The following F10 variants were observed in gnomAD, a reference collection of about 807,000 sequenced individuals.
F10 encodes the protein coagulation factor X, also known as Stuart-Prower factor.
In F10, 29 loss-of-function variants were observed where a neutral mutation model predicts 37.1. The observed-to-expected ratio is 0.78, with a 90% confidence interval of 0.58 to 1.07. F10 has a LOEUF of 1.07. Ranked by LOEUF, F10 falls within the 50% of genes least tolerant of loss-of-function variation. The probability of loss-of-function intolerance (pLI) is 0.00; values close to 1 mark genes in which losing one functional copy is unlikely to be tolerated. For synonymous variants in F10, 262 were observed against 268.6 expected, an observed-to-expected ratio of 0.98 and a Z score of 0.24; for missense variants, 539 against 667.9, an observed-to-expected ratio of 0.81 and a Z score of 2.13.
In F10 at chr13:113,141,053, A is replaced by G; in HGVS notation, c.502+3A>G. On this transcript the variant is annotated splice_donor_region_variant and intron_variant, in intron 5 of 7. Coordinates refer to ENST00000375559, the MANE Select transcript of F10 (RefSeq NM_000504.4). The surrounding 1 kb of genome is among the most constrained non-coding windows in gnomAD (Gnocchi z 5.4). The stretch of plus-strand genomic sequence containing the variant: ...CGGCAAGGCCTGCATTCCCACAGGT[A>G]GGAGGCACGTTGGGCCACAGCCACC... The G allele has an allele frequency of 6.2e-7, 1 of 1,613,392 alleles. No homozygotes were observed. Among genetic ancestry groups the G allele is most frequent in the Non-Finnish European group, 8.5e-7 (1 of 1,179,948 alleles).
At chr13:113,138,762 T>C (rs1476573604) in intron 3 of F10, among the ~76,000 whole-genome samples, 1 of 152,204 alleles carries the variant, frequency 6.6e-6, no homozygotes, top group Non-Finnish European at 1.5e-5. Context: ...TAAAAGTGTA[T>C]TCGGTAAAAG....
chr13:113,146,473 C>T lies in F10; in HGVS notation c.748-906C>T, dbSNP rs1053902383. On this transcript the variant is annotated intron_variant, in intron 6 of 7. Coordinates refer to ENST00000375559, the MANE Select transcript of F10 (RefSeq NM_000504.4). The surrounding 1 kb of genome is among the most constrained non-coding windows in gnomAD (Gnocchi z 4.5). Reference sequence around the variant, plus strand: ...GGAGGGCTCACTGGAGGGGCCCTCGCCCAGCCTGTTGAGGTTTGCGATTCT... The same window carrying T: ...GGAGGGCTCACTGGAGGGGCCCTCGTCCAGCCTGTTGAGGTTTGCGATTCT... Among the ~76,000 whole-genome samples, 2 of 152,166 alleles carry T rather than the reference C, an allele frequency of 1.3e-5. No homozygotes were observed. The highest frequency in any genetic ancestry group is 2.9e-5 in the Non-Finnish European group (2 of 68,026).
At chr13:113,124,118 G>A (rs962569049) in intron 1 of F10, among the ~76,000 whole-genome samples, 2 of 152,210 alleles carry the variant, frequency 1.3e-5, no homozygotes, top group Admixed American at 6.5e-5. Flanking sequence ...GAATGCTCTA[G>A]GATCCTGAGG....
chr13:113,134,276 A>G (rs1377510850), intron 2 of F10, among the ~76,000 whole-genome samples: 1 of 152,200 alleles, frequency 6.6e-6, no homozygotes, highest in Non-Finnish European at 1.5e-5. Context: ...TGTGAAGGGG[A>G]AAAAAGCTTG....
chr13:113,130,560 A>T (rs1238566842), intron 2 of F10: 1 of 152,322 alleles, frequency 6.6e-6, no homozygotes, highest in Admixed American at 6.5e-5. Flanking sequence ...GGCTGGTGCC[A>T]TCAGCCACAC....
In F10 at chr13:113,139,331, CCA is replaced by C; in HGVS notation, c.257-25_257-24del. The C allele has an allele frequency of 6.3e-7, 1 of 1,592,818 alleles. No homozygotes were observed. The highest frequency in any genetic ancestry group is 8.6e-7 in the Non-Finnish European group (1 of 1,160,980). ...TGATGCCGGAAACAGCTTGCAGACTCCAGTTTCGAAATCCTCTCTTTGCAGAT... is the reference window on the plus strand; with the variant it reads ...TGATGCCGGAAACAGCTTGCAGACTCGTTTCGAAATCCTCTCTTTGCAGAT... On this transcript the variant is annotated intron_variant, in intron 3 of 7. Coordinates refer to ENST00000375559, the MANE Select transcript of F10 (RefSeq NM_000504.4). The surrounding 1 kb of genome is among the most constrained non-coding windows in gnomAD (Gnocchi z 5.2).
In F10 at chr13:113,145,656, T is replaced by C. The variant is rs189546488; in HGVS notation, c.747+1561T>C. On this transcript the variant is annotated intron_variant, in intron 6 of 7. Coordinates refer to ENST00000375559, the MANE Select transcript of F10 (RefSeq NM_000504.4). ...AAAAAGAGGTTGAATGAACTCACAGTTCCACGTGGCTGGGGAGGCCTCACC... is the reference window on the plus strand; with the variant it reads ...AAAAAGAGGTTGAATGAACTCACAGCTCCACGTGGCTGGGGAGGCCTCACC... 2.9e-3 allele frequency among the ~76,000 whole-genome samples: 436 copies of C among 152,224 alleles called. 5 individuals are homozygous for C. Among genetic ancestry groups the C allele is most frequent in the African/African-American group, 9.9e-3 (412 of 41,522 alleles).
Position 113,138,479 on chromosome 13 carries a change from A to C in F10, c.254A>C (p.Lys85Thr), listed in dbSNP as rs202223449. Residue 85 changes from lysine (K) to threonine (T), a missense_variant and splice_region_variant, in exon 3 of 8, where the codon AAA becomes ACA. Lys to Thr is a moderately conservative substitution (Grantham distance 78). Coordinates refer to ENST00000375559, the MANE Select transcript of F10 (RefSeq NM_000504.4). The part of the protein sequence containing the change: ...DKTNEFWNKY[K>T]DGDQCETSPC... ...TAGAATGAATTCTGGAATAAATACAAAGGTCAGTATTTTTTCTGTTTTAAC... is the reference window on the plus strand; with the variant it reads ...TAGAATGAATTCTGGAATAAATACACAGGTCAGTATTTTTTCTGTTTTAAC... 1 of 1,397,528 alleles carries C rather than the reference A, an allele frequency of 7.2e-7. No individual in the cohort carries two copies. Among genetic ancestry groups the C allele is most frequent in the African/African-American group, 1.4e-5 (1 of 70,960 alleles). The allele number at this position is 1,397,528 out of a possible 1,614,324, so 86.6% of individuals were successfully genotyped here. A position where few individuals can be genotyped will look rare whatever the true frequency, so the allele number is the denominator to read the frequency against.
rs762686628 is a variant in F10 at position 113,149,259 on chromosome 13, C to T, written c.1209C>T (p.Phe403=). Reference sequence around the variant, plus strand: ...GCTTCATCATCACCCAGAACATGTTCTGTGCCGGCTACGACACCAAGCAGG... The same window carrying T: ...GCTTCATCATCACCCAGAACATGTTTTGTGCCGGCTACGACACCAAGCAGG... ...SSSFIITQNM[F]CAGYDTKQED... Residue 403 remains phenylalanine (F), a synonymous_variant, in exon 8 of 8, where the codon TTC becomes TTT. Coordinates refer to ENST00000375559, the MANE Select transcript of F10 (RefSeq NM_000504.4). The surrounding 1 kb of genome is among the most constrained non-coding windows in gnomAD (Gnocchi z 7.5). 4.3e-6 allele frequency: 7 copies of T among 1,613,234 alleles called. No individual in the cohort carries two copies. Among genetic ancestry groups the T allele is most frequent in the Middle Eastern group, 1.6e-4 (1 of 6,062 alleles).
Position 113,140,968 on chromosome 13 carries a change from C to T in F10, c.420C>T (p.Cys140=), listed in dbSNP as rs1355569917. 6.2e-7 allele frequency: 1 copy of T among 1,614,124 alleles called. No homozygotes were observed. Among genetic ancestry groups the T allele is most frequent in the Non-Finnish European group, 8.5e-7 (1 of 1,180,038 alleles). The part of the protein sequence containing the change: ...SLDNGDCDQF[C]HEEQNSVVCS... ...ACAACGGGGACTGTGACCAGTTCTG[C>T]CACGAGGAACAGAACTCTGTGGTGT... Residue 140 remains cysteine, a synonymous_variant, in exon 5 of 8, where the codon TGC becomes TGT. Transcript: ENST00000375559.
rs1422320109 is a variant in F10, at chr13:113,129,632, T to C, written c.231+20T>C. 4 of 1,613,696 alleles carry C rather than the reference T, an allele frequency of 2.5e-6. No individual in the cohort carries two copies. The highest frequency in any genetic ancestry group is 1.7e-6 in the Non-Finnish European group (2 of 1,179,958). On this transcript the variant is annotated intron_variant, in intron 2 of 7. Transcript: ENST00000375559. ...AAGACGGTAAGGGCTGGGGATAGCC[T>C]GGCTGTTGGTAAGGAGCTCAGGCCA...
chr13:113,141,576 T>C lies in F10; in HGVS notation c.502+526T>C, dbSNP rs184729625. Among the ~76,000 whole-genome samples, 1 of 152,250 alleles carries C rather than the reference T, an allele frequency of 6.6e-6. No homozygotes were observed. Among genetic ancestry groups the C allele is most frequent in the Non-Finnish European group, 1.5e-5 (1 of 67,996 alleles). ...TAGTTTTTCTTTTCCTTGATGAATGTGGACAACAGGCGGCCAGAGGGCAGT... is the reference window on the plus strand; with the variant it reads ...TAGTTTTTCTTTTCCTTGATGAATGCGGACAACAGGCGGCCAGAGGGCAGT... On this transcript the variant is annotated intron_variant, in intron 5 of 7. Transcript: ENST00000375559. This position sits in a 1 kb window ranked among gnomAD's most constrained non-coding sequence, Gnocchi z 5.4.
Position 113,149,188 on chromosome 13 carries a change from C to T in F10, c.1138C>T (p.Leu380=). The stretch of plus-strand genomic sequence containing the variant: ...CCGGCAGTCCACCAGGCTCAAGATG[C>T]TGGAGGTGCCCTACGTGGACCGCAA... The part of the protein sequence containing the change: ...KGRQSTRLKM[L]EVPYVDRNSC... The change falls in exon 8 of 8, where the codon CTG becomes TTG. Residue 380 remains leucine, a synonymous_variant. Coordinates refer to ENST00000375559, the MANE Select transcript of F10 (RefSeq NM_000504.4). This position sits in a 1 kb window ranked among gnomAD's most constrained non-coding sequence, Gnocchi z 7.5. The T allele has an allele frequency of 6.2e-7, 1 of 1,613,032 alleles. No individual in the cohort carries two copies. The highest frequency in any genetic ancestry group is 1.1e-5 in the South Asian group (1 of 91,080).
rs962309446 is a variant in F10 at position 113,141,919 on chromosome 13, G to A, written c.502+869G>A. Among the ~76,000 whole-genome samples the A allele has an allele frequency of 1.3e-5, 2 of 152,204 alleles. No individual in the cohort carries two copies. The highest frequency in any genetic ancestry group is 1.9e-4 in the East Asian group (1 of 5,204). On this transcript the variant is annotated intron_variant, in intron 5 of 7. Transcript: ENST00000375559. The surrounding 1 kb of genome is among the most constrained non-coding windows in gnomAD (Gnocchi z 5.4). Reference sequence around the variant, plus strand: ...TCAGGTGCGGCTCAGCCCCCAGACCGTGTTCTGCCCCCGGCTACCATGACT... The same window carrying A: ...TCAGGTGCGGCTCAGCCCCCAGACCATGTTCTGCCCCCGGCTACCATGACT...
At chr13:113,140,822 G>C in intron 4 of F10, 97 bp from the exon 5 acceptor site, 5 of 1,593,500 alleles carry the variant, frequency 3.1e-6, no homozygotes, top group Non-Finnish European at 4.3e-6. Context: ...TGGCCGCTTT[G>C]TGGCTGACAG....
At chr13:113,148,378 GTA>G (rs1416935717) in intron 7 of F10, among the ~76,000 whole-genome samples, 14 of 57,398 alleles carry the variant, frequency 2.4e-4, no homozygotes, top group East Asian at 8.3e-4. Flanking sequence ...ATATATATGT[GTA>G]TATATATATA....
At chr13:113,135,551 C>G (rs2036471353) in intron 2 of F10, among the ~76,000 whole-genome samples, 1 of 152,186 alleles carries the variant, frequency 6.6e-6, no homozygotes. Flanking sequence ...GGACATTAAT[C>G]CTATTCACAA....
chr13:113,140,633 G>A (rs993592652), intron 4 of F10: 9 of 629,006 alleles, frequency 1.4e-5, no homozygotes, highest in Middle Eastern at 2.5e-4. Context: ...TGGAGTGACC[G>A]TAATGTGAGT....
rs909725392 is a variant in F10 at position 113,139,928 on chromosome 13, A to G, written c.370+458A>G. ...GATTGGCCAATTATAAAAATTTGAT[A>G]CATTTAATTAGTTCTACGTGGAAAA... On this transcript the variant is annotated intron_variant, in intron 4 of 7. Transcript: ENST00000375559. The surrounding 1 kb of genome is among the most constrained non-coding windows in gnomAD (Gnocchi z 5.2). Among the ~76,000 whole-genome samples the G allele has an allele frequency of 2.6e-5, 4 of 152,188 alleles. No individual in the cohort carries two copies. The highest frequency in any genetic ancestry group is 4.4e-5 in the Non-Finnish European group (3 of 68,032).
Sources: gnomAD v4.1 joint callset for allele counts (sites outside exome capture counted in the v4.1 genomes callset) on GRCh38, gnomAD v4.1.1 for gene constraint, Gnocchi (gnomAD v3.1) non-coding constraint, MANE v1.5 for transcripts, NCBI Gene and HGNC (gene_info 2026-07-23, HGNC 2026-07-21) for gene names.